ACAN: variants seen among roughly 807,000 people sequenced by gnomAD.
ACAN encodes aggrecan core protein.
In ACAN, 47 loss-of-function variants were observed where a neutral mutation model predicts 169.1. The ratio of observed to expected loss-of-function variants is 0.28; its 90% CI spans 0.22 to 0.35. The LOEUF (loss-of-function observed/expected upper bound fraction) is 0.35, where lower values mean the gene tolerates loss of function less well. ACAN is among the 10% of genes least tolerant of loss of function. ACAN has a pLI of 1.00. For missense variants in ACAN, 2,716 were observed against 2,759.9 expected (o/e 0.98, Z 0.36); for synonymous variants, 1,115 against 1,112.2 (o/e 1.00, Z -0.05).
rs373835452 is a variant in ACAN at position 88,870,381 on chromosome 15, G to C, written c.7061-1001G>C. Among the ~76,000 whole-genome samples, 611 of 152,320 alleles carry C rather than the reference G, an allele frequency of 4.0e-3. 34 individuals carry two copies. The South Asian group carries it at 0.1, about 26-fold the overall frequency. ...CCCAGGGGAAGAAGGAAGAAGGGGG[G>C]CCTTGGAATTCACTCTGTCCCACAC... On this transcript the variant is annotated intron_variant, in intron 14 of 18. Coordinates refer to ENST00000560601, the MANE Select transcript of ACAN (RefSeq NM_001369268.1). This position sits in a 1 kb window ranked among gnomAD's most constrained non-coding sequence, Gnocchi z 6.3.
At chr15:88,828,224 G>C (rs1396478606) in intron 1 of ACAN, among the ~76,000 whole-genome samples, 1 of 152,114 alleles carries the variant, frequency 6.6e-6, no homozygotes, top group Non-Finnish European at 1.5e-5. Context: ...TTGAAGGAAT[G>C]GAACTGTGTG....
At chr15:88,836,002 C>T (rs1308925717) in intron 1 of ACAN, among the ~76,000 whole-genome samples, 198 bp from the exon 2 acceptor site, 1 of 152,202 alleles carries the variant, frequency 6.6e-6, no homozygotes, top group African/African-American at 2.4e-5. Context: ...CGGAATTAAA[C>T]TGAGAAACCT....
Position 88,858,385 on chromosome 15 carries a change from G to C in ACAN, c.5800G>C (p.Val1934Leu), listed in dbSNP as rs76282091. 11,030 of 1,613,832 alleles carry C rather than the reference G, an allele frequency of 6.8e-3. 674 individuals are homozygous for C. In the South Asian group the frequency reaches 0.1, roughly 15 times the overall value. ...GSGTPSSFPT[V>L]SLVDRTLVES... ...TGGAACTCCATCTAGTTTCCCCACT[G>C]TCTCTCTTGTAGACAGAACTTTGGT... Residue 1934 changes from valine to leucine, a missense_variant, in exon 12 of 19, where the codon GTC (valine) becomes CTC (leucine). By Grantham distance (32) the Val-to-Leu change is conservative. Coordinates refer to ENST00000560601, the MANE Select transcript of ACAN (RefSeq NM_001369268.1). The surrounding 1 kb of genome is among the most constrained non-coding windows in gnomAD (Gnocchi z 4.0).
chr15:88,851,535 G>C lies in ACAN; in HGVS notation c.2027-259G>C. The C allele has an allele frequency of 2.3e-6, 1 of 430,240 alleles. No individual in the cohort carries two copies. Among genetic ancestry groups the C allele is most frequent in the Non-Finnish European group, 4.2e-6 (1 of 239,650 alleles). 26.7% of individuals were successfully genotyped at this position (430,240 alleles called of 1,614,324 possible). A position where few individuals can be genotyped will look rare whatever the true frequency, so the allele number is the denominator to read the frequency against. On this transcript the variant is annotated intron_variant, in intron 10 of 18. Coordinates refer to ENST00000560601, the MANE Select transcript of ACAN (RefSeq NM_001369268.1). The surrounding 1 kb of genome is among the most constrained non-coding windows in gnomAD (Gnocchi z 4.3). ...GTGATTTTAGATACACAAGGCTTTA[G>C]AGCAATGCCCGGCATATATGGTCAA...
intron 1 of ACAN, among the ~76,000 whole-genome samples, chr15:88,817,689 A>C (rs1196699164): frequency 1.3e-5 from 2 of 151,890 alleles, no homozygotes; most frequent in Non-Finnish European, 2.9e-5. Context: ...CCCTGTCTCT[A>C]CAAAAAATAC....
chr15:88,819,485 G>A (rs1040319702), intron 1 of ACAN, among the ~76,000 whole-genome samples: 1 of 151,926 alleles, frequency 6.6e-6, no homozygotes, highest in Non-Finnish European at 1.5e-5. Flanking sequence ...GGAGTTGGCT[G>A]GATTCAGGGA....
intron 11 of ACAN, among the ~76,000 whole-genome samples, 155 bp from the exon 12 acceptor site, chr15:88,854,697 T>A (rs1897007217): frequency 6.6e-6 from 1 of 152,212 alleles, no homozygotes; most frequent in South Asian, 2.1e-4. Context: ...CAAGACACTT[T>A]ACACAGTTCC....
intron 7 of ACAN, among the ~76,000 whole-genome samples, chr15:88,847,042 G>A (rs147345758): frequency 1.3e-5 from 2 of 152,224 alleles, no homozygotes; most frequent in Non-Finnish European, 2.9e-5. Flanking sequence ...CCTTGGTGGG[G>A]TTCCCACGCA....
At position 88,873,090 on chromosome 15, in the gene ACAN, T is replaced by TCTTGCTGTGTGGCC; in HGVS notation, c.7447+66_7447+79dup. On this transcript the variant is annotated intron_variant, in intron 17 of 18. Transcript: ENST00000560601. The surrounding 1 kb of genome is among the most constrained non-coding windows in gnomAD (Gnocchi z 7.5). The stretch of plus-strand genomic sequence containing the variant: ...CAAGACCTCCAGCTACAGGTGAGGC[T>TCTTGCTGTGTGGCC]CTTGCTGTGTGGCCTGGGGTGAGTC... The TCTTGCTGTGTGGCC allele has an allele frequency of 6.4e-7, 1 of 1,556,974 alleles. No homozygotes were observed. Among genetic ancestry groups the TCTTGCTGTGTGGCC allele is most frequent in the South Asian group, 1.2e-5 (1 of 82,830 alleles).
chr15:88,848,900 C>A (rs1263713027), intron 9 of ACAN, among the ~76,000 whole-genome samples: 2 of 152,206 alleles, frequency 1.3e-5, no homozygotes, highest in Non-Finnish European at 2.9e-5. Flanking sequence ...AGTAGGTGTT[C>A]AGTAAGTGTA....
At position 88,849,017 on chromosome 15, in the gene ACAN, G is replaced by C. The variant is rs934259844; in HGVS notation, c.1733-421G>C. ...AGGGTGTGGGGTGAGCACGTCCACA[G>C]CAGTCACAGTGATAAGTGCAGTGGT... On this transcript the variant is annotated intron_variant, in intron 9 of 18. Coordinates refer to ENST00000560601, the MANE Select transcript of ACAN (RefSeq NM_001369268.1). The surrounding 1 kb of genome is among the most constrained non-coding windows in gnomAD (Gnocchi z 5.1). Among the ~76,000 whole-genome samples, 2 of 152,234 alleles carry C rather than the reference G, an allele frequency of 1.3e-5. No homozygotes were observed. Among genetic ancestry groups the C allele is most frequent in the African/African-American group, 4.8e-5 (2 of 41,452 alleles).
chr15:88,847,508 A>G (rs1395642323), intron 8 of ACAN, 91 bp downstream of exon 8: 1 of 1,381,682 alleles, frequency 7.2e-7, no homozygotes, highest in Admixed American at 2.8e-5. Context: ...CACACTGAGC[A>G]CCCAATACCT....
At chr15:88,829,090 G>A (rs1171987934) in intron 1 of ACAN, among the ~76,000 whole-genome samples, 2 of 148,748 alleles carry the variant, frequency 1.3e-5, no homozygotes, top group Non-Finnish European at 3.0e-5. Flanking sequence ...ACACTTGCCC[G>A]GAATGGAGAA....
intron 10 of ACAN, chr15:88,850,159 A>C (rs1476553768): frequency 4.7e-6 from 2 of 424,934 alleles, no homozygotes; most frequent in African/African-American, 4.0e-5. Context: ...TTTCATATAC[A>C]TATCTATATG....
In ACAN at chr15:88,843,950, C is replaced by T. The variant is rs1261138556; in HGVS notation, c.1051+302C>T. 6.6e-6 allele frequency among the ~76,000 whole-genome samples: 1 copy of T among 152,126 alleles called. No homozygotes were observed. The highest frequency in any genetic ancestry group is 1.5e-5 in the Non-Finnish European group (1 of 68,038). On this transcript the variant is annotated intron_variant, in intron 6 of 18. Transcript: ENST00000560601. This position sits in a 1 kb window ranked among gnomAD's most constrained non-coding sequence, Gnocchi z 4.0. The stretch of plus-strand genomic sequence containing the variant: ...AGCTCTGTCACCTACTACTGTGCAA[C>T]CCTGGCAAAGTCAAGGCTGTGAACC...
Position 88,860,431 on chromosome 15 carries a change from G to A in ACAN, c.6938G>A (p.Cys2313Tyr). ...LCPPGYTGEHCNIDIDECLSS... is the reference protein window; with the variant it reads ...LCPPGYTGEHYNIDIDECLSS... ...CCCCCTGGCTACACTGGCGAGCACT[G>A]TAACATAGGTAAGGCCCTCATTGGC... Residue 2313 changes from cysteine (C) to tyrosine (Y), a missense_variant, in exon 13 of 19, where the codon TGT becomes TAT. By Grantham distance (194) the Cys-to-Tyr change is radical. Around this residue, in one of 3 missense-constraint regions of ACAN, gnomAD observed 1,389 missense variants for 1,363.7 expected, o/e 1.02. Coordinates refer to ENST00000560601, the MANE Select transcript of ACAN (RefSeq NM_001369268.1). The A allele has an allele frequency of 1.2e-6, 2 of 1,613,018 alleles. No homozygotes were observed. The highest frequency in any genetic ancestry group is 8.5e-7 in the Non-Finnish European group (1 of 1,179,420).
In ACAN at chr15:88,861,291, A is replaced by G. The variant is rs1411726623; in HGVS notation, c.6946+852A>G. On this transcript the variant is annotated intron_variant, in intron 13 of 18. Transcript: ENST00000560601. This position sits in a 1 kb window ranked among gnomAD's most constrained non-coding sequence, Gnocchi z 6.3. ...CTCCCTCCTAGGTCAAGAATCAGAG[A>G]CCTAGGGTCTTTCATAAAAGGGGTC... Among the ~76,000 whole-genome samples, 2 of 152,078 alleles carry G rather than the reference A, an allele frequency of 1.3e-5. No homozygotes were observed. Among genetic ancestry groups the G allele is most frequent in the Non-Finnish European group, 2.9e-5 (2 of 68,006 alleles).
intron 13 of ACAN, among the ~76,000 whole-genome samples, chr15:88,863,648 T>A (rs1448124770): frequency 6.6e-6 from 1 of 152,232 alleles, no homozygotes; most frequent in Non-Finnish European, 1.5e-5. Flanking sequence ...GTTTCCTTCC[T>A]ATCTTACTGC....
chr15:88,874,194 C>T lies in ACAN; in HGVS notation c.7630+170C>T, dbSNP rs915626665. 11 of 1,055,566 alleles carry T rather than the reference C, an allele frequency of 1.0e-5. No individual in the cohort carries two copies. In the African/African-American group the frequency reaches 1.1e-4, roughly 11 times the overall value. The allele number at this position is 1,055,566 out of a possible 1,614,324, so 65.4% of individuals were successfully genotyped here. A position where few individuals can be genotyped will look rare whatever the true frequency, so the allele number is the denominator to read the frequency against. On this transcript the variant is annotated intron_variant, in intron 18 of 18. Transcript: ENST00000560601. The surrounding 1 kb of genome is among the most constrained non-coding windows in gnomAD (Gnocchi z 7.3). ...AGCTGACCACTGCCCTTAGAAGGGC[C>T]ACGTACTTGTCCCAGGAGAGGGCTC...
Sources: gnomAD v4.1 joint callset for allele counts (sites outside exome capture counted in the v4.1 genomes callset) on GRCh38, gnomAD v4.1.1 for gene constraint, gnomAD v4.1.1 regional missense constraint, Gnocchi (gnomAD v3.1) non-coding constraint, MANE v1.5 for transcripts, NCBI Gene and HGNC (gene_info 2026-07-23, HGNC 2026-07-21) for gene names.